Variants in CCM2L observed in about 807,000 individuals in gnomAD.
The protein encoded by CCM2L is CCM2 like scaffold protein.
In CCM2L, 36 loss-of-function variants were observed where a neutral mutation model predicts 54.1. That is an observed-to-expected ratio of 0.67 (90% CI 0.51 to 0.88). The LOEUF (loss-of-function observed/expected upper bound fraction) is 0.88. Ranked by LOEUF, CCM2L falls within the 40% of genes least tolerant of loss-of-function variation. The pLI is 0.00. For missense variants in CCM2L, 700 were observed against 812.1 expected (o/e 0.86, Z 1.68); for synonymous variants, 351 against 359.3 (o/e 0.98, Z 0.26).
chr20:32,018,474 G>A (rs1182453296), intron 4 of CCM2L, among the ~76,000 whole-genome samples: 1 of 151,906 alleles, frequency 6.6e-6, no homozygotes, highest in Non-Finnish European at 1.5e-5. Context: ...CTAGGCCAGG[G>A]CTGGATCCGC....
chr20:32,018,516 C>A (rs1457000559), intron 4 of CCM2L, among the ~76,000 whole-genome samples: 1 of 150,290 alleles, frequency 6.7e-6, no homozygotes. Context: ...CTAGAGTGGA[C>A]CCTTGGGCTG....
chr20:32,028,862 G>A (rs1195672928), intron 7 of CCM2L, 133 bp from the exon 8 acceptor site: 1 of 1,127,306 alleles, frequency 8.9e-7, no homozygotes, highest in Non-Finnish European at 1.3e-6. Flanking sequence ...AGACTTGAGA[G>A]GTGCCAGGGG....
At chr20:32,027,146 A>T (rs755269579) in intron 7 of CCM2L, among the ~76,000 whole-genome samples, 1 of 152,250 alleles carries the variant, frequency 6.6e-6, no homozygotes, top group Non-Finnish European at 1.5e-5. Context: ...TCCCCCGGAT[A>T]TGGGATTTTC....
rs1412732602 is a variant in CCM2L at position 32,017,837 on chromosome 20, A to T, written c.236A>T (p.Asn79Ile). Reference sequence around the variant, plus strand: ...CTTACCTGGGTGACTTCCTCACTGAACCCCTCCAGTCGGGACGAGCTCCTG... The same window carrying T: ...CTTACCTGGGTGACTTCCTCACTGATCCCCTCCAGTCGGGACGAGCTCCTG... ...GHLTWVTSSLNPSSRDELLQL... is the reference protein window; with the variant it reads ...GHLTWVTSSLIPSSRDELLQL... Residue 79 changes from asparagine to isoleucine, a missense_variant, in exon 3 of 10, where the codon AAC becomes ATC. Physicochemically the swap from Asn to Ile is moderately radical, Grantham distance 149. Transcript: ENST00000452892. 2 of 1,613,570 alleles carry T rather than the reference A, an allele frequency of 1.2e-6. No homozygotes were observed. The highest frequency in any genetic ancestry group is 1.7e-6 in the Non-Finnish European group (2 of 1,179,938).
In CCM2L at chr20:32,019,191, C is replaced by G. The variant is rs1469264842; in HGVS notation, c.715C>G (p.Arg239Gly). 4 of 1,126,798 alleles carry G rather than the reference C, an allele frequency of 3.5e-6. No individual in the cohort carries two copies. The highest frequency in any genetic ancestry group is 3.3e-6 in the Non-Finnish European group (3 of 906,716). The allele number at this position is 1,126,798 out of a possible 1,614,324, so 69.8% of individuals were successfully genotyped here. ...GGCGCGGGCGTCGGGCAGCTGGGAG[C>G]GACGGCAGACGTTCAGCGGCAGCTG... ...AGARASGSWERRQTFSGSWER... is the reference protein window; with the variant it reads ...AGARASGSWEGRQTFSGSWER... The change falls in exon 5 of 10, where the codon CGA becomes GGA. Residue 239 changes from arginine to glycine, a missense_variant. Arg to Gly is a moderately radical substitution (Grantham distance 125). Transcript: ENST00000452892.
intron 7 of CCM2L, chr20:32,028,684 T>G: frequency 8.8e-6 from 3 of 339,228 alleles, no homozygotes; most frequent in East Asian, 6.2e-5. Context: ...GATCACGGGA[T>G]GAGTAAGAGT....
intron 7 of CCM2L, 89 bp from the exon 8 acceptor site, chr20:32,028,906 A>C (rs565068872): frequency 1.3e-6 from 2 of 1,541,748 alleles, no homozygotes; most frequent in East Asian, 4.5e-5. Flanking sequence ...GCCAGCATGC[A>C]GTCTAGGATG....
intron 7 of CCM2L, chr20:32,028,002 CAG>C (rs1368444192): frequency 6.6e-6 from 1 of 152,036 alleles, no homozygotes; most frequent in Non-Finnish European, 1.5e-5. Context: ...AAGGGAGGCT[CAG>C]GGTGCTATAA....
Position 32,029,031 on chromosome 20 carries a change from C to T in CCM2L, c.1170C>T (p.Ser390=), listed in dbSNP as rs139147006. Residue 390 remains serine (S), a synonymous_variant, in exon 8 of 10, where the codon AGC becomes AGT. Coordinates refer to ENST00000452892, the MANE Select transcript of CCM2L (RefSeq NM_001365692.1). ...AGGACACCTTTGAAGCATGTTACAGCGGCACGTCCACACCTTCTTTCCATG... is the reference window on the plus strand; with the variant it reads ...AGGACACCTTTGAAGCATGTTACAGTGGCACGTCCACACCTTCTTTCCATG... The part of the protein sequence containing the change: ...GSQDTFEACY[S]GTSTPSFHGS... 67 of 1,614,054 alleles carry T rather than the reference C, an allele frequency of 4.2e-5. No individual in the cohort carries two copies. The highest frequency in any genetic ancestry group is 1.8e-4 in the East Asian group (8 of 44,888).
At chr20:32,013,369 A>G (rs1277976799) in intron 1 of CCM2L, among the ~76,000 whole-genome samples, 1 of 152,128 alleles carries the variant, frequency 6.6e-6, no homozygotes, top group Non-Finnish European at 1.5e-5. Flanking sequence ...GTTGGTTGGG[A>G]GTGTAACCTG....
At position 32,031,331 on chromosome 20, in the gene CCM2L, C is replaced by G; in HGVS notation, c.*17C>G. ...TACCTGTAGCCACCGCCCCTGCGGA[C>G]GGCGTGGCTCAGCAGCCCACCTCTG... On this transcript the variant is annotated 3_prime_UTR_variant, in exon 10 of 10. Transcript: ENST00000452892. The G allele has an allele frequency of 8.0e-7, 1 of 1,255,326 alleles. No homozygotes were observed. The highest frequency in any genetic ancestry group is 1.6e-5 in the African/African-American group (1 of 64,044). The allele number at this position is 1,255,326 out of a possible 1,614,324, so 77.8% of individuals were successfully genotyped here.
chr20:32,031,235 C>CAA lies in CCM2L; in HGVS notation c.1637_1638insAA (p.Asp547ThrfsTer41), dbSNP rs2064922562. ...ACGCACGACATCGAGGCGCTGGCCC[C>CAA]CGATGACGACGACGACGACGAGGAT... is the stretch of plus-strand genomic sequence containing the variant. On this transcript the variant is annotated frameshift_variant, in exon 10 of 10. Coordinates refer to ENST00000452892, the MANE Select transcript of CCM2L (RefSeq NM_001365692.1). LOFTEE classifies it low-confidence loss of function (END_TRUNC). 2 of 1,298,428 alleles carry CAA rather than the reference C, an allele frequency of 1.5e-6. No homozygotes were observed. Among genetic ancestry groups the CAA allele is most frequent in the African/African-American group, 3.1e-5 (2 of 65,150 alleles). 80.4% of individuals were successfully genotyped at this position (1,298,428 alleles called of 1,614,324 possible).
At chr20:32,030,651 A>C (rs1295212677) in intron 9 of CCM2L, among the ~76,000 whole-genome samples, 1 of 152,070 alleles carries the variant, frequency 6.6e-6, no homozygotes, top group Non-Finnish European at 1.5e-5. Flanking sequence ...CAGCCTGGCC[A>C]ACATGAAACC....
intron 1 of CCM2L, among the ~76,000 whole-genome samples, chr20:32,011,221 T>C (rs1009705711): frequency 2.6e-5 from 4 of 152,034 alleles, no homozygotes; most frequent in African/African-American, 9.7e-5. Flanking sequence ...GCATGTTTTC[T>C]CTTAGTTTGT....
chr20:32,016,654 C>T (rs576852322), intron 2 of CCM2L, among the ~76,000 whole-genome samples: 3 of 152,040 alleles, frequency 2.0e-5, no homozygotes, highest in South Asian at 2.1e-4. Context: ...AGACTCCAGC[C>T]CCCCCACGCC....
intron 2 of CCM2L, among the ~76,000 whole-genome samples, chr20:32,015,324 T>C (rs144520792): frequency 1.3e-5 from 2 of 152,166 alleles, no homozygotes; most frequent in African/African-American, 4.8e-5. Context: ...GAGTGTTCTG[T>C]GCGTGGAAAA....
intron 2 of CCM2L, among the ~76,000 whole-genome samples, chr20:32,017,182 G>A (rs904481938): frequency 6.6e-6 from 1 of 152,130 alleles, no homozygotes; most frequent in East Asian, 1.9e-4. Context: ...ACATTTAAGT[G>A]CTAACATTAG....
intron 6 of CCM2L, among the ~76,000 whole-genome samples, chr20:32,024,746 G>A (rs1186772443): frequency 6.6e-6 from 1 of 152,200 alleles, no homozygotes; most frequent in Non-Finnish European, 1.5e-5. Flanking sequence ...AGAATCACTC[G>A]AACCTGGGAG....
intron 5 of CCM2L, among the ~76,000 whole-genome samples, chr20:32,021,231 A>G (rs1022007976): frequency 6.6e-6 from 1 of 152,170 alleles, no homozygotes; most frequent in African/African-American, 2.4e-5. Flanking sequence ...TTACAAGGCC[A>G]TTTGTACTCC....
Sources: gnomAD v4.1 joint callset for allele counts (sites outside exome capture counted in the v4.1 genomes callset) on GRCh38, gnomAD v4.1.1 for gene constraint, MANE v1.5 for transcripts, NCBI Gene and HGNC (gene_info 2026-07-23, HGNC 2026-07-21) for gene names.